Variants in PARD3B observed in about 807,000 individuals in gnomAD.
The protein encoded by PARD3B is par-3 family cell polarity regulator beta, also known as partitioning defective 3 homolog B.
PARD3B carries 103 observed loss-of-function variants against 130.2 expected under a neutral mutation model. The observed-to-expected ratio is 0.79, with a 90% CI of 0.67 to 0.93. The LOEUF is 0.93. Among genes scored for constraint, PARD3B ranks in the 40% least tolerant of loss-of-function variants. The pLI is 0.00. For synonymous variants in PARD3B, 583 were observed against 553.2 expected (o/e 1.05, Z -0.76); for missense variants, 1,609 against 1,499.2 (o/e 1.07, Z -1.21).
intron 21 of PARD3B, among the ~76,000 whole-genome samples, chr2:205,549,510 T>C (rs1575328535): frequency 1.3e-5 from 2 of 152,172 alleles, no homozygotes; most frequent in South Asian, 4.2e-4. Context: ...CTTAAATGCA[T>C]ATGACCAAGT....
chr2:204,958,020 A>G (rs1690418318), intron 2 of PARD3B, among the ~76,000 whole-genome samples: 2 of 152,234 alleles, frequency 1.3e-5, no homozygotes, highest in African/African-American at 4.8e-5. Flanking sequence ...AAAGAACTCA[A>G]TGTGGCAAAT....
rs1343435127 is a variant in PARD3B at position 205,288,732 on chromosome 2, C to A, written c.2186-11798C>A. 6.6e-6 allele frequency among the ~76,000 whole-genome samples: 1 copy of A among 152,164 alleles called. No individual in the cohort carries two copies. Among genetic ancestry groups the A allele is most frequent in the African/African-American group, 2.4e-5 (1 of 41,444 alleles). On this transcript the variant is annotated intron_variant, in intron 16 of 22. Transcript: ENST00000406610. The surrounding 1 kb of genome is among the most constrained non-coding windows in gnomAD (Gnocchi z 4.0). The stretch of plus-strand genomic sequence containing the variant: ...AGACGTGTTTGGACTTTTCCTCATG[C>A]CTTTTCCTCTAAGTGGTGTGCCTGT...
intron 15 of PARD3B, among the ~76,000 whole-genome samples, chr2:205,231,180 T>A (rs1049151160): frequency 6.6e-5 from 10 of 152,070 alleles, no homozygotes; most frequent in African/African-American, 2.2e-4. Context: ...GGTGTGCTTG[T>A]GGGGAGGATT....
intron 4 of PARD3B, among the ~76,000 whole-genome samples, chr2:205,084,156 T>C (rs1463287046): frequency 1.3e-5 from 2 of 152,272 alleles, no homozygotes; most frequent in East Asian, 3.9e-4. Context: ...TACACGTTGC[T>C]TCTGTCTATT....
At chr2:204,751,784 A>G (rs981068635) in intron 2 of PARD3B, among the ~76,000 whole-genome samples, 5 of 152,196 alleles carry the variant, frequency 3.3e-5, no homozygotes, top group African/African-American at 9.6e-5. Flanking sequence ...GGCTTTCTTC[A>G]TGTTTTAAGG....
chr2:205,185,918 A>G, intron 14 of PARD3B, 55 bp downstream of exon 14: 5 of 1,407,352 alleles, frequency 3.6e-6, no homozygotes, highest in Non-Finnish European at 5.0e-6. Context: ...TTCTGGGAGA[A>G]CACAGCAACC....
At chr2:205,487,886 G>A (rs759452) in intron 20 of PARD3B, among the ~76,000 whole-genome samples, 131,460 of 151,752 alleles carry the variant, frequency 0.87, 58,617 homozygotes, top group Non-Finnish European at 0.97. Context: ...TTGAGAAGGC[G>A]TGAGTGTGTG....
At position 205,558,359 on chromosome 2, in the gene PARD3B, G is replaced by C. The variant is rs1241178078; in HGVS notation, c.3260+4956G>C. On this transcript the variant is annotated intron_variant, in intron 22 of 22. Coordinates refer to ENST00000406610, the MANE Select transcript of PARD3B (RefSeq NM_001302769.2). The surrounding 1 kb of genome is among the most constrained non-coding windows in gnomAD (Gnocchi z 4.8). Reference sequence around the variant, plus strand: ...CCTATTCGCAGGTGGGAGAGATCCAGAGATACTGCTAAGATACTCCTATTA... The same window carrying C: ...CCTATTCGCAGGTGGGAGAGATCCACAGATACTGCTAAGATACTCCTATTA... Among the ~76,000 whole-genome samples the C allele has an allele frequency of 6.6e-6, 1 of 152,110 alleles. No individual in the cohort carries two copies. Among genetic ancestry groups the C allele is most frequent in the East Asian group, 1.9e-4 (1 of 5,176 alleles).
At chr2:204,742,628 C>G (rs757743719) in intron 2 of PARD3B, among the ~76,000 whole-genome samples, 1 of 152,170 alleles carries the variant, frequency 6.6e-6, no homozygotes, top group Non-Finnish European at 1.5e-5. Context: ...ACCCTTTTCT[C>G]AGTTGATTCT....
At chr2:205,327,444 C>G (rs567258880) in intron 18 of PARD3B, among the ~76,000 whole-genome samples, 2 of 152,240 alleles carry the variant, frequency 1.3e-5, no homozygotes, top group Non-Finnish European at 2.9e-5. Flanking sequence ...GTTCTGAGTT[C>G]TGTACATTTG....
chr2:204,938,595 T>A lies in PARD3B; in HGVS notation c.223-26557T>A, dbSNP rs563676502. 1.2e-4 allele frequency among the ~76,000 whole-genome samples: 19 copies of A among 152,362 alleles called. No homozygotes were observed. In the East Asian group the frequency reaches 3.5e-3, roughly 28 times the overall value. On this transcript the variant is annotated intron_variant, in intron 2 of 22. Coordinates refer to ENST00000406610, the MANE Select transcript of PARD3B (RefSeq NM_001302769.2). ...ATATTTGTACATTTATCTCATACTT[T>A]TCTTATTCACTAGACTAGGGCTTCT...
chr2:204,876,831 AAATC>A (rs2045863300), intron 2 of PARD3B, among the ~76,000 whole-genome samples: 1 of 152,192 alleles, frequency 6.6e-6, no homozygotes, highest in Non-Finnish European at 1.5e-5. Context: ...TAAGTTATGT[AAATC>A]AAAGCGCTCC....
At chr2:205,045,891 T>G (rs1307174187) in intron 3 of PARD3B, among the ~76,000 whole-genome samples, 1 of 152,140 alleles carries the variant, frequency 6.6e-6, no homozygotes. Context: ...TCTGTGCCTC[T>G]AAATCAAGTT....
intron 21 of PARD3B, among the ~76,000 whole-genome samples, chr2:205,533,781 GTGCAGGGGTGCAAACAGGTCAC>G (rs1285755693): frequency 6.6e-6 from 1 of 152,126 alleles, no homozygotes; most frequent in Admixed American, 6.6e-5. Flanking sequence ...CCAGGCTAGA[GTGCAGGGGTGCAAACAGGTCAC>G]TGCAGCCTCA....
intron 3 of PARD3B, among the ~76,000 whole-genome samples, chr2:205,017,640 G>A (rs1479100807): frequency 6.6e-6 from 1 of 152,130 alleles, no homozygotes; most frequent in Non-Finnish European, 1.5e-5. Flanking sequence ...GTCACAGCCA[G>A]GGTTCTCATG....
At chr2:205,070,024 G>A (rs1700627395) in intron 4 of PARD3B, among the ~76,000 whole-genome samples, 1 of 152,074 alleles carries the variant, frequency 6.6e-6, no homozygotes, top group African/African-American at 2.4e-5. Context: ...CCTGGTCTCT[G>A]CTCAGCCTTC....
chr2:205,252,680 A>G (rs1574508468), intron 16 of PARD3B, among the ~76,000 whole-genome samples: 6 of 152,146 alleles, frequency 3.9e-5, no homozygotes, highest in African/African-American at 1.2e-4. Flanking sequence ...ACAAGATACC[A>G]AGTTAAGCCA....
chr2:205,259,718 A>G (rs1384763474), intron 16 of PARD3B, among the ~76,000 whole-genome samples: 1 of 151,986 alleles, frequency 6.6e-6, no homozygotes, highest in Non-Finnish European at 1.5e-5. Context: ...TCTCAACTGT[A>G]TGTGTTAAAT....
rs142969497 is a variant in PARD3B, at chr2:204,846,083, G to GA, written c.223-119061dup. Among the ~76,000 whole-genome samples, 420 of 151,652 alleles carry GA rather than the reference G, an allele frequency of 2.8e-3. 2 individuals are homozygous for GA. Among genetic ancestry groups the GA allele is most frequent in the Non-Finnish European group, 4.0e-3 (273 of 67,838 alleles). On this transcript the variant is annotated intron_variant, in intron 2 of 22. Transcript: ENST00000406610. ...AAATAGAAAAACAAATGAAGAAAAG[G>GA]AAAAAAAATGCAAAGGTTTTGAATA...
Sources: gnomAD v4.1 joint callset for allele counts (sites outside exome capture counted in the v4.1 genomes callset) on GRCh38, gnomAD v4.1.1 for gene constraint, Gnocchi (gnomAD v3.1) non-coding constraint, MANE v1.5 for transcripts, NCBI Gene and HGNC (gene_info 2026-07-23, HGNC 2026-07-21) for gene names.